Variants in CPN1 observed in about 807,000 individuals in gnomAD.
The protein encoded by CPN1 is carboxypeptidase N subunit 1.
In CPN1, 37 loss-of-function variants were observed where a neutral mutation model predicts 46.4. The observed-to-expected ratio is 0.80, with a 90% CI of 0.61 to 1.05. CPN1 has a LOEUF of 1.05. Ranked by LOEUF, CPN1 falls within the 50% of genes least tolerant of loss-of-function variation. The probability of loss-of-function intolerance (pLI) is 0.00; values close to 1 mark genes in which losing one functional copy is unlikely to be tolerated. For missense variants in CPN1, 563 were observed against 602.6 expected (o/e 0.93, Z 0.69); for synonymous variants, 224 against 235.4 (o/e 0.95, Z 0.44).
chr10:100,064,043 G>C (rs1458768652), intron 4 of CPN1, among the ~76,000 whole-genome samples: 2 of 152,054 alleles, frequency 1.3e-5, no homozygotes, highest in Non-Finnish European at 2.9e-5. Flanking sequence ...GTTTTCTCTT[G>C]TGCAAAGTGA....
chr10:100,061,553 A>G (rs2041418238), intron 5 of CPN1, among the ~76,000 whole-genome samples: 1 of 152,222 alleles, frequency 6.6e-6, no homozygotes, highest in African/African-American at 2.4e-5. Flanking sequence ...TTCCCAGCTC[A>G]TGCTGATATG....
At chr10:100,068,349 G>A (rs775988678) in intron 3 of CPN1, among the ~76,000 whole-genome samples, 88 of 151,648 alleles carry the variant, frequency 5.8e-4, no homozygotes, top group Non-Finnish European at 1.0e-3. Flanking sequence ...AAGTAGCTGG[G>A]ACTGCAGGCG....
rs553171656 is a variant in CPN1 at position 100,048,771 on chromosome 10, G to T, written c.1217C>A (p.Ala406Glu). ...AGCCTAACTCACCAACGTTGGTTCC[G>T]CAGGACCCACGGTCACAGTTACTGT... ...PETVTVTVGP[A>E]EPTLVNFHLK... is the part of the protein sequence containing the mutation. The change falls in exon 8 of 9, where the codon GCG (alanine) becomes GAG (glutamate). Residue 406 changes from alanine to glutamate, a missense_variant. Coordinates refer to ENST00000370418, the MANE Select transcript of CPN1 (RefSeq NM_001308.3). 2 of 1,611,884 alleles carry T rather than the reference G, an allele frequency of 1.2e-6. No individual in the cohort carries two copies. The highest frequency in any genetic ancestry group is 8.5e-7 in the Non-Finnish European group (1 of 1,178,360).
At chr10:100,054,079 A>G (rs1443292543) in intron 7 of CPN1, among the ~76,000 whole-genome samples, 1 of 152,204 alleles carries the variant, frequency 6.6e-6, no homozygotes, top group Non-Finnish European at 1.5e-5. Context: ...GAGAAGTTAC[A>G]TTTACATCAG....
chr10:100,069,632 A>G, intron 3 of CPN1, 82 bp downstream of exon 3: 1 of 1,511,120 alleles, frequency 6.6e-7, no homozygotes, highest in Non-Finnish European at 9.2e-7. Flanking sequence ...TGTTTAGTTG[A>G]TGTAAAGATG....
At chr10:100,057,213 C>CCT in intron 5 of CPN1, 61 bp from the exon 6 acceptor site, 2 of 1,566,504 alleles carry the variant, frequency 1.3e-6, no homozygotes, top group Non-Finnish European at 1.7e-6. Flanking sequence ...TGCCCCATCT[C>CCT]ATCTCTCTCT....
At chr10:100,065,512 T>C (rs560956660) in intron 3 of CPN1, 142 bp from the exon 4 acceptor site, 1 of 839,448 alleles carries the variant, frequency 1.2e-6, no homozygotes, top group African/African-American at 1.7e-5. Flanking sequence ...ATATGAAAAG[T>C]GGAGATGGGG....
chr10:100,062,793 G>T (rs2041428658), intron 5 of CPN1, among the ~76,000 whole-genome samples: 2 of 150,524 alleles, frequency 1.3e-5, no homozygotes, highest in South Asian at 4.2e-4. Flanking sequence ...TAGGGATGAG[G>T]TCTTGCTATG....
rs1388706857 is a variant in CPN1, at chr10:100,081,484, C to A, written c.142G>T (p.Val48Phe). The change falls in exon 1 of 9, where the codon GTC becomes TTC. Residue 48 changes from valine (V) to phenylalanine (F), a missense_variant. Transcript: ENST00000370418. Reference protein sequence around the residue: ...VQNECPGITRVYSIGRSVEGR... With the variant: ...VQNECPGITRFYSIGRSVEGR... Reference sequence around the variant, plus strand: ...TCCACGCTGCGCCCAATGCTGTAGACCCGCGTGATGCCGGGGCATTCGTTT... The same window carrying A: ...TCCACGCTGCGCCCAATGCTGTAGAACCGCGTGATGCCGGGGCATTCGTTT... 1 of 1,614,146 alleles carries A rather than the reference C, an allele frequency of 6.2e-7. No individual in the cohort carries two copies. Among genetic ancestry groups the A allele is most frequent in the South Asian group, 1.1e-5 (1 of 91,086 alleles).
At chr10:100,049,315 T>G (rs1019978074) in intron 7 of CPN1, among the ~76,000 whole-genome samples, 1 of 149,440 alleles carries the variant, frequency 6.7e-6, no homozygotes, top group Non-Finnish European at 1.5e-5. Flanking sequence ...CAGGCTGGAA[T>G]GCAGTGGTAT....
rs2133439129 is a variant in CPN1, at chr10:100,063,602, G to A, written c.871+12C>T. On this transcript the variant is annotated intron_variant, in intron 5 of 8. Coordinates refer to ENST00000370418, the MANE Select transcript of CPN1 (RefSeq NM_001308.3). The stretch of plus-strand genomic sequence containing the variant: ...CCACTTCAGCTTGAGCAGTTCCCAG[G>A]ACTCCCCTTACCCTTGCTGAGAGAA... 1 of 1,583,428 alleles carries A rather than the reference G, an allele frequency of 6.3e-7. No homozygotes were observed. Among genetic ancestry groups the A allele is most frequent in the South Asian group, 1.1e-5 (1 of 90,438 alleles).
intron 5 of CPN1, among the ~76,000 whole-genome samples, chr10:100,062,066 T>G (rs1296947810): frequency 2.0e-5 from 3 of 152,072 alleles, no homozygotes; most frequent in Admixed American, 2.0e-4. Context: ...TGGCAACTCC[T>G]CAGTTTTGCA....
At chr10:100,057,673 G>A (rs2041392745) in intron 5 of CPN1, among the ~76,000 whole-genome samples, 1 of 152,070 alleles carries the variant, frequency 6.6e-6, no homozygotes, top group Non-Finnish European at 1.5e-5. Context: ...CGTTCATTTT[G>A]GTTCTCAGGG....
intron 3 of CPN1, among the ~76,000 whole-genome samples, chr10:100,067,684 A>G (rs1342274708): frequency 6.6e-6 from 1 of 152,194 alleles, no homozygotes; most frequent in East Asian, 1.9e-4. Flanking sequence ...GAGAATGCCT[A>G]GTTATTTTCA....
At chr10:100,054,532 G>GT in intron 6 of CPN1, 86 bp from the exon 7 acceptor site, 1 of 1,111,054 alleles carries the variant, frequency 9.0e-7, no homozygotes, top group Non-Finnish European at 1.4e-6. Context: ...TTTCTCTTAT[G>GT]TTTTTGTATT....
chr10:100,046,200 G>T (rs1009669442), intron 8 of CPN1, among the ~76,000 whole-genome samples: 1 of 152,196 alleles, frequency 6.6e-6, no homozygotes, highest in Non-Finnish European at 1.5e-5. Flanking sequence ...GCACCAGAAG[G>T]GATGGTAGAG....
chr10:100,043,922 T>A (rs1455712848), intron 8 of CPN1, among the ~76,000 whole-genome samples: 1 of 152,152 alleles, frequency 6.6e-6, no homozygotes, highest in Non-Finnish European at 1.5e-5. Flanking sequence ...CACTGACAAA[T>A]GTGGGACATT....
intron 5 of CPN1, among the ~76,000 whole-genome samples, chr10:100,060,078 G>A (rs1175268350): frequency 6.6e-6 from 1 of 152,180 alleles, no homozygotes; most frequent in East Asian, 1.9e-4. Context: ...GTGGTTGCCA[G>A]GGGCTGGGGT....
chr10:100,057,127 A>G lies in CPN1; in HGVS notation c.897T>C (p.His299=), dbSNP rs756531470. Residue 299 remains histidine, a synonymous_variant, in exon 6 of 9, where the codon CAT becomes CAC. Transcript: ENST00000370418. ...CCAGCGTGATCTCAAAGCAGTTGGT[A>G]TGGAGATAATTAAAGTCTTGCATTC... ...SKGMQDFNYL[H]TNCFEITLEL... 10 of 1,614,168 alleles carry G rather than the reference A, an allele frequency of 6.2e-6. No individual in the cohort carries two copies. In the Admixed American group the frequency reaches 1.3e-4, roughly 22 times the overall value.
Sources: gnomAD v4.1 joint callset for allele counts (sites outside exome capture counted in the v4.1 genomes callset) on GRCh38, gnomAD v4.1.1 for gene constraint, MANE v1.5 for transcripts, NCBI Gene and HGNC (gene_info 2026-07-23, HGNC 2026-07-21) for gene names.